ZNF738: variants seen among roughly 807,000 people sequenced by gnomAD.
ZNF738 encodes zinc finger protein 738, also known as protein ZNF738.
Under a neutral mutation model 9.2 loss-of-function variants are expected in ZNF738, and 10 were observed. The observed-to-expected ratio is 1.09, with a 90% CI of 0.67 to 1.85. ZNF738 has a LOEUF of 1.85. ZNF738 is among the 40% of genes most tolerant of loss of function. The probability of loss-of-function intolerance (pLI) is 0.00; values close to 1 mark genes in which losing one functional copy is unlikely to be tolerated. For synonymous variants in ZNF738, 113 were observed against 94.5 expected (o/e 1.20, Z -1.14); for missense variants, 346 against 283.6 (o/e 1.22, Z -1.58).
chr19:21,367,664 G>A (rs990966803), intron 2 of ZNF738, among the ~76,000 whole-genome samples: 1 of 152,166 alleles, frequency 6.6e-6, no homozygotes, highest in Non-Finnish European at 1.5e-5. Flanking sequence ...ATTGTCCTGT[G>A]ATTCCAGGTC....
In ZNF738 at chr19:21,384,363, G is replaced by T. The variant is rs1219443621; in HGVS notation, c.*689G>T. ...TGAAGAATGTGGCAAAGCCTTTAAT[G>T]TATTCTCAACCCTTACTAAACATAA... On this transcript the variant is annotated 3_prime_UTR_variant, in exon 5 of 5. Coordinates refer to ENST00000683779, the MANE Select transcript of ZNF738 (RefSeq NM_001355237.2). Among the ~76,000 whole-genome samples, 1 of 146,924 alleles carries T rather than the reference G, an allele frequency of 6.8e-6. No individual in the cohort carries two copies. The highest frequency in any genetic ancestry group is 1.5e-5 in the Non-Finnish European group (1 of 66,488).
In ZNF738 at chr19:21,383,019, A is replaced by T; in HGVS notation, c.473A>T (p.Lys158Ile). The change falls in exon 5 of 5, where the codon AAA becomes ATA. Residue 158 changes from lysine to isoleucine, a missense_variant. Lys to Ile is a moderately radical substitution (Grantham distance 102). Transcript: ENST00000683779. ...AGTGTGAATGAGTGTAATGTGCAAA[A>T]AGAAGGTTATAATGAACTAAAAGAG... ...CKSVNECNVQ[K>I]EGYNELKEYL... is the part of the protein sequence containing the mutation. 1 of 792,900 alleles carries T rather than the reference A, an allele frequency of 1.3e-6. No individual in the cohort carries two copies. Among genetic ancestry groups the T allele is most frequent in the South Asian group, 1.4e-5 (1 of 72,256 alleles). The allele number at this position is 792,900 out of a possible 1,614,324, so 49.1% of individuals were successfully genotyped here.
chr19:21,382,030 A>G (rs1599720408), intron 4 of ZNF738: 1 of 174,368 alleles, frequency 5.7e-6, no homozygotes. Flanking sequence ...ATACATATAT[A>G]AAATGTTGGC....
At chr19:21,373,077 C>T (rs528074953) in intron 2 of ZNF738, among the ~76,000 whole-genome samples, 57 of 152,234 alleles carry the variant, frequency 3.7e-4, no homozygotes, top group African/African-American at 1.3e-3. Context: ...TGACACGGGA[C>T]TTGTTTGAAA....
chr19:21,365,334 C>T (rs567831173), intron 2 of ZNF738, among the ~76,000 whole-genome samples: 2 of 152,200 alleles, frequency 1.3e-5, no homozygotes, highest in East Asian at 3.9e-4. Flanking sequence ...AATGCCTAAC[C>T]ATCTGGGAAT....
Position 21,383,356 on chromosome 19 carries a change from C to T in ZNF738, c.810C>T (p.Asn270=). The T allele has an allele frequency of 8.7e-7, 1 of 1,148,146 alleles. No individual in the cohort carries two copies. The highest frequency in any genetic ancestry group is 1.3e-5 in the South Asian group (1 of 75,380). The allele number at this position is 1,148,146 out of a possible 1,614,324, so 71.1% of individuals were successfully genotyped here. ...ATGAAGAATGTGGAAAAGGTTTTAA[C>T]CACTCCACAACTCTTACTAGACATA... The part of the protein sequence containing the change: ...YKHEECGKGF[N]HSTTLTRHKV... Residue 270 remains asparagine, a synonymous_variant, in exon 5 of 5, where the codon AAC becomes AAT. Transcript: ENST00000683779.
At chr19:21,370,739 C>T (rs2145227416) in intron 2 of ZNF738, among the ~76,000 whole-genome samples, 1 of 152,216 alleles carries the variant, frequency 6.6e-6, no homozygotes, top group South Asian at 2.1e-4. Flanking sequence ...GCTAGAGCAG[C>T]CTCTATGAAG....
chr19:21,362,839 A>G (rs1185847375), intron 2 of ZNF738, among the ~76,000 whole-genome samples: 1 of 152,216 alleles, frequency 6.6e-6, no homozygotes, highest in Non-Finnish European at 1.5e-5. Flanking sequence ...TAGCTTTCAG[A>G]ATGCTACCAA....
chr19:21,360,001 G>T (rs575688319), intron 1 of ZNF738, among the ~76,000 whole-genome samples: 7 of 152,276 alleles, frequency 4.6e-5, no homozygotes, highest in African/African-American at 1.7e-4. Context: ...TTTGTAAAAT[G>T]CATGATGAAG....
chr19:21,366,870 C>G (rs1334799726), intron 2 of ZNF738, among the ~76,000 whole-genome samples: 3 of 152,098 alleles, frequency 2.0e-5, no homozygotes, highest in Admixed American at 1.3e-4. Context: ...GCTTTTATCC[C>G]ACTTCTTTAC....
Position 21,383,850 on chromosome 19 carries a change from G to A in ZNF738, c.*176G>A, listed in dbSNP as rs1974035865. The A allele has an allele frequency of 3.0e-6, 4 of 1,348,998 alleles. No homozygotes were observed. Among genetic ancestry groups the A allele is most frequent in the East Asian group, 4.6e-5 (2 of 43,060 alleles). The allele number at this position is 1,348,998 out of a possible 1,614,324, so 83.6% of individuals were successfully genotyped here. A position where few individuals can be genotyped will look rare whatever the true frequency, so the allele number is the denominator to read the frequency against. ...CTACAAATGTGGAGAATGTGGCAAA[G>A]CTTTCTTCAGATTCTCATACCTTAC... is the stretch of plus-strand genomic sequence containing the variant. On this transcript the variant is annotated 3_prime_UTR_variant, in exon 5 of 5. Transcript: ENST00000683779.
At position 21,384,085 on chromosome 19, in the gene ZNF738, G is replaced by A; in HGVS notation, c.*411G>A. ...CACACTGGAGAGAAACCCTACAAAT[G>A]TGAAGAATGTGGCAAAGCTTTCTAC... On this transcript the variant is annotated 3_prime_UTR_variant, in exon 5 of 5. Transcript: ENST00000683779. The A allele has an allele frequency of 6.4e-7, 1 of 1,558,852 alleles. No homozygotes were observed. Among genetic ancestry groups the A allele is most frequent in the Non-Finnish European group, 8.8e-7 (1 of 1,133,826 alleles).
intron 4 of ZNF738, chr19:21,381,460 A>T: frequency 7.7e-7 from 1 of 1,305,190 alleles, no homozygotes; most frequent in Non-Finnish European, 1.1e-6. Context: ...TTTGGACACC[A>T]ACTTTTACAC....
At chr19:21,381,332 G>C (rs1568371227) in intron 4 of ZNF738, 2 of 1,546,182 alleles carry the variant, frequency 1.3e-6, no homozygotes, top group East Asian at 2.2e-5. Flanking sequence ...TCCTAAAACT[G>C]TTAGCTTTGC....
In ZNF738 at chr19:21,388,047, A is replaced by G. The variant is rs1337238770; in HGVS notation, c.*4373A>G. 1.3e-5 allele frequency among the ~76,000 whole-genome samples: 2 copies of G among 152,204 alleles called. No homozygotes were observed. The highest frequency in any genetic ancestry group is 6.5e-5 in the Admixed American group (1 of 15,280). The stretch of plus-strand genomic sequence containing the variant: ...TAGGGCTATGTAAATATCAGAATTT[A>G]TAATAGAAATATATAAGGAACTGAC... On this transcript the variant is annotated 3_prime_UTR_variant, in exon 5 of 5. Coordinates refer to ENST00000683779, the MANE Select transcript of ZNF738 (RefSeq NM_001355237.2).
intron 2 of ZNF738, among the ~76,000 whole-genome samples, chr19:21,366,050 C>T (rs866841603): frequency 2.6e-5 from 4 of 152,112 alleles, no homozygotes; most frequent in African/African-American, 7.2e-5. Context: ...TTCAGGCAGC[C>T]GCTTCTTGGT....
At chr19:21,363,717 C>T (rs907580550) in intron 2 of ZNF738, among the ~76,000 whole-genome samples, 4 of 151,594 alleles carry the variant, frequency 2.6e-5, no homozygotes, top group African/African-American at 9.7e-5. Flanking sequence ...AGTGAAACCC[C>T]ATCTCTACTA....
chr19:21,362,771 C>T (rs1973717729), intron 2 of ZNF738, among the ~76,000 whole-genome samples: 1 of 152,010 alleles, frequency 6.6e-6, no homozygotes, highest in Non-Finnish European at 1.5e-5. Context: ...AGTGAGTTTA[C>T]AAGTTTTCTC....
rs1203520467 is a variant in ZNF738, at chr19:21,383,929, G to A, written c.*255G>A. 4 of 1,444,446 alleles carry A rather than the reference G, an allele frequency of 2.8e-6. No individual in the cohort carries two copies. Among genetic ancestry groups the A allele is most frequent in the South Asian group, 2.3e-5 (2 of 87,524 alleles). 89.5% of individuals were successfully genotyped at this position (1,444,446 alleles called of 1,614,324 possible). Reference sequence around the variant, plus strand: ...AAACCCTACAAATGTGAAGAATGTGGCAAAGCTTTTAACTGTTACTCCTAC... The same window carrying A: ...AAACCCTACAAATGTGAAGAATGTGACAAAGCTTTTAACTGTTACTCCTAC... On this transcript the variant is annotated 3_prime_UTR_variant, in exon 5 of 5. Transcript: ENST00000683779.
Sources: allele counts gnomAD v4.1 joint callset (sites outside exome capture counted in the v4.1 genomes callset), GRCh38; gene constraint gnomAD v4.1.1; transcripts MANE v1.5; gene names NCBI Gene and HGNC (gene_info 2026-07-23, HGNC 2026-07-21).